OSBP2: variants seen among roughly 807,000 people sequenced by gnomAD.
OSBP2 encodes the protein oxysterol binding protein 2.
OSBP2 carries 66 observed loss-of-function variants against 96.0 expected under a neutral mutation model. The ratio of observed to expected loss-of-function variants is 0.69; its 90% CI spans 0.56 to 0.84. OSBP2 has a LOEUF of 0.84. Ranked by LOEUF, OSBP2 falls within the 40% of genes least tolerant of loss-of-function variation. The pLI is 0.00. For missense variants in OSBP2, 1,038 were observed against 1,222.7 expected, an observed-to-expected ratio of 0.85 and a Z score of 2.25; for synonymous variants, 525 against 520.9, an observed-to-expected ratio of 1.01 and a Z score of -0.11.
chr22:30,886,328 T>TAAAG (rs1387030782), intron 3 of OSBP2, among the ~76,000 whole-genome samples: 1 of 152,226 alleles, frequency 6.6e-6, no homozygotes, highest in East Asian at 1.9e-4. Flanking sequence ...TTGAGTTGTC[T>TAAAG]AAAGACCTGG....
intron 2 of OSBP2, among the ~76,000 whole-genome samples, chr22:30,762,654 G>A (rs138302202): frequency 1.3e-5 from 2 of 152,340 alleles, no homozygotes; most frequent in Non-Finnish European, 2.9e-5. Flanking sequence ...GCCAGCCAGC[G>A]TGAATGCTGT....
chr22:30,775,311 TA>T (rs1460900622), intron 2 of OSBP2, among the ~76,000 whole-genome samples: 4 of 152,088 alleles, frequency 2.6e-5, no homozygotes, highest in African/African-American at 9.7e-5. Flanking sequence ...AGGAGTCTTT[TA>T]AAAACACAAA....
In OSBP2 at chr22:30,803,072, C is replaced by CGCGGCGGCGGGAAGGCG. The variant is rs1555914544; in HGVS notation, c.853+61714_853+61730dup. 44 of 204,720 alleles carry CGCGGCGGCGGGAAGGCG rather than the reference C, an allele frequency of 2.1e-4. No individual in the cohort carries two copies. In the East Asian group the frequency reaches 5.5e-3, roughly 25 times the overall value. 12.7% of individuals were successfully genotyped at this position (204,720 alleles called of 1,614,324 possible). Reference sequence around the variant, plus strand: ...GCACTGCACCCAGATGGACTGAGAGCGCGGCGGCGGGAAGGCGGCGGCGGC... The same window carrying CGCGGCGGCGGGAAGGCG: ...GCACTGCACCCAGATGGACTGAGAGCGCGGCGGCGGGAAGGCGGCGGCGGCGGGAAGGCGGCGGCGGC... On this transcript the variant is annotated intron_variant, in intron 2 of 13. Coordinates refer to ENST00000332585, the MANE Select transcript of OSBP2 (RefSeq NM_030758.4).
intron 2 of OSBP2, among the ~76,000 whole-genome samples, chr22:30,774,724 C>T (rs762011948): frequency 1.3e-5 from 2 of 152,146 alleles, no homozygotes; most frequent in Non-Finnish European, 2.9e-5. Flanking sequence ...TTATAACTGA[C>T]TCATTAAACT....
chr22:30,868,652 G>T (rs1187510760), intron 2 of OSBP2, among the ~76,000 whole-genome samples: 1 of 152,204 alleles, frequency 6.6e-6, no homozygotes, highest in Admixed American at 6.5e-5. Flanking sequence ...TGTCATTTGG[G>T]GGCTGCAGTT....
In OSBP2 at chr22:30,890,982, G is replaced by T; in HGVS notation, c.1869+9G>T. The T allele has an allele frequency of 3.7e-6, 6 of 1,602,028 alleles. No homozygotes were observed. The highest frequency in any genetic ancestry group is 5.1e-6 in the Non-Finnish European group (6 of 1,178,506). ...GCTCCCTCTGTGAGCAGGTGAGGGGGCTAGGCTGGCACTGGGTGGCGCCCA... is the reference window on the plus strand; with the variant it reads ...GCTCCCTCTGTGAGCAGGTGAGGGGTCTAGGCTGGCACTGGGTGGCGCCCA... On this transcript the variant is annotated intron_variant, in intron 8 of 13. Coordinates refer to ENST00000332585, the MANE Select transcript of OSBP2 (RefSeq NM_030758.4). The surrounding 1 kb of genome is among the most constrained non-coding windows in gnomAD (Gnocchi z 4.4).
At chr22:30,843,268 T>C (rs2038792775) in intron 2 of OSBP2, among the ~76,000 whole-genome samples, 1 of 152,164 alleles carries the variant, frequency 6.6e-6, no homozygotes, top group Non-Finnish European at 1.5e-5. Flanking sequence ...GAATCACCAA[T>C]GTTCTTAATG....
chr22:30,893,596 T>C (rs1449055206), intron 10 of OSBP2, 30 bp downstream of exon 10: 1 of 1,613,078 alleles, frequency 6.2e-7, no homozygotes, highest in South Asian at 1.1e-5. Context: ...AGGGGGTGCA[T>C]GGCCCGGGGG....
At chr22:30,747,689 A>C (rs2090021897) in intron 2 of OSBP2, among the ~76,000 whole-genome samples, 1 of 151,712 alleles carries the variant, frequency 6.6e-6, no homozygotes, top group Non-Finnish European at 1.5e-5. Flanking sequence ...TGCCCCACCC[A>C]CTGGGCTCAG....
chr22:30,719,150 G>A (rs1461514271), intron 1 of OSBP2, among the ~76,000 whole-genome samples: 2 of 151,782 alleles, frequency 1.3e-5, no homozygotes, highest in Non-Finnish European at 2.9e-5. Flanking sequence ...TGAGTGCCTC[G>A]CAGTCCTCTC....
At chr22:30,865,700 G>A (rs1054766566) in intron 2 of OSBP2, among the ~76,000 whole-genome samples, 4 of 151,480 alleles carry the variant, frequency 2.6e-5, no homozygotes, top group East Asian at 1.9e-4. Flanking sequence ...GAAGGTGACC[G>A]GGCCAGGGGC....
chr22:30,710,468 A>G lies in OSBP2; in HGVS notation c.644+14915A>G, dbSNP rs534916323. On this transcript the variant is annotated intron_variant, in intron 1 of 13. Transcript: ENST00000332585. ...TTAAAGATGCTCATGTTGTCCGGCC[A>G]TGTCTTTAGTTAGTGGAAGTCTCTT... Among the ~76,000 whole-genome samples the G allele has an allele frequency of 2.0e-5, 3 of 152,184 alleles. No individual in the cohort carries two copies. In the East Asian group the frequency reaches 5.8e-4, roughly 29 times the overall value.
intron 2 of OSBP2, among the ~76,000 whole-genome samples, chr22:30,782,848 G>A (rs1461679097): frequency 6.6e-6 from 1 of 152,124 alleles, no homozygotes; most frequent in African/African-American, 2.4e-5. Flanking sequence ...CATCATCTTC[G>A]AAAGTGATTA....
intron 2 of OSBP2, among the ~76,000 whole-genome samples, chr22:30,745,450 A>C (rs902990043): frequency 6.6e-6 from 1 of 152,132 alleles, no homozygotes; most frequent in Non-Finnish European, 1.5e-5. Flanking sequence ...ACCTGAGGTC[A>C]GGAGTTTGAG....
chr22:30,717,148 G>A (rs116788230), intron 1 of OSBP2, among the ~76,000 whole-genome samples: 3,344 of 134,332 alleles, frequency 0.025, 137 homozygotes, highest in African/African-American at 0.086. Flanking sequence ...ACAGGGTCTC[G>A]CTATGTTGCT....
chr22:30,759,125 A>T (rs2090176881), intron 2 of OSBP2, among the ~76,000 whole-genome samples: 1 of 152,162 alleles, frequency 6.6e-6, no homozygotes. Flanking sequence ...AGACAGGTGG[A>T]TCACTTGAGG....
At chr22:30,740,701 T>C (rs1320968811) in intron 1 of OSBP2, among the ~76,000 whole-genome samples, 1 of 152,128 alleles carries the variant, frequency 6.6e-6, no homozygotes, top group East Asian at 1.9e-4. Context: ...CCGTGTTGGC[T>C]CATGACCTCA....
At chr22:30,787,020 G>C (rs148431111) in intron 2 of OSBP2, among the ~76,000 whole-genome samples, 5,682 of 152,040 alleles carry the variant, frequency 0.037, 203 homozygotes, top group African/African-American at 0.095. Flanking sequence ...GGATGGTCTC[G>C]ATCTCCTGAC....
intron 3 of OSBP2, chr22:30,872,515 T>G: frequency 5.2e-6 from 2 of 383,100 alleles, no homozygotes; most frequent in South Asian, 3.9e-5. Flanking sequence ...ATGAATTGTT[T>G]TATGAGAAGC....
Sources: allele counts gnomAD v4.1 joint callset (sites outside exome capture counted in the v4.1 genomes callset), GRCh38; gene constraint gnomAD v4.1.1; non-coding constraint Gnocchi (gnomAD v3.1); transcripts MANE v1.5; gene names NCBI Gene and HGNC (gene_info 2026-07-23, HGNC 2026-07-21).